Variants in C2CD2 observed in about 807,000 individuals in gnomAD.
The protein encoded by C2CD2 is C2 domain-containing protein 2.
A neutral mutation model predicts 74.3 loss-of-function variants in C2CD2; 43 were observed. The ratio of observed to expected loss-of-function variants is 0.58; its 90% CI spans 0.45 to 0.75. The LOEUF (loss-of-function observed/expected upper bound fraction) is 0.75. Ranked by LOEUF, C2CD2 falls within the 30% of genes least tolerant of loss-of-function variation. The pLI is 0.00. For missense variants in C2CD2, 801 were observed against 916.3 expected, an observed-to-expected ratio of 0.87 and a Z score of 1.63; for synonymous variants, 422 against 390.7, an observed-to-expected ratio of 1.08 and a Z score of -0.94.
In C2CD2 at chr21:41,953,331, G is replaced by A; in HGVS notation, c.279+39C>T. ...ACCTCGGCCCGGACCGCCCGCCCCG[G>A]CATCTGCCGCCCCCCGGCCCGCAGT... On this transcript the variant is annotated intron_variant, in intron 1 of 13. Coordinates refer to ENST00000380486, the MANE Select transcript of C2CD2 (RefSeq NM_015500.2). The A allele has an allele frequency of 3.0e-6, 4 of 1,333,940 alleles. No homozygotes were observed. In the South Asian group the frequency reaches 5.6e-5, roughly 19 times the overall value. 82.6% of individuals were successfully genotyped at this position (1,333,940 alleles called of 1,614,324 possible). A position where few individuals can be genotyped will look rare whatever the true frequency, so the allele number is the denominator to read the frequency against.
chr21:41,901,773 A>G, intron 11 of C2CD2, 24 bp from the exon 12 acceptor site: 1 of 1,611,072 alleles, frequency 6.2e-7, no homozygotes, highest in Non-Finnish European at 8.5e-7. Flanking sequence ...GGCAGTGTTA[A>G]GTTCATCAGC....
At chr21:41,922,476 CTTTT>C (rs34651080) in intron 2 of C2CD2, among the ~76,000 whole-genome samples, 3 of 139,412 alleles carry the variant, frequency 2.2e-5, no homozygotes, top group African/African-American at 2.7e-5. Flanking sequence ...CCATAGGCAT[CTTTT>C]TTTTTTTTTT....
At chr21:41,891,085 A>T (rs2064747236) in intron 13 of C2CD2, among the ~76,000 whole-genome samples, 1 of 152,098 alleles carries the variant, frequency 6.6e-6, no homozygotes, top group Non-Finnish European at 1.5e-5. Context: ...TAAAGTTAGG[A>T]GCCTGTGTGC....
rs1008385939 is a variant in C2CD2, at chr21:41,909,528, G to A, written c.954-5C>T. On this transcript the variant is annotated splice_region_variant and splice_polypyrimidine_tract_variant and intron_variant, in intron 7 of 13. Transcript: ENST00000380486. ...TTCGACTTGGCATTCAACTCGCTTT[G>A]GAAGAGAAACAAGTTATGAGTCCTA... The A allele has an allele frequency of 3.1e-6, 5 of 1,606,148 alleles. No homozygotes were observed. The African/African-American group carries it at 6.7e-5, about 21-fold the overall frequency.
intron 2 of C2CD2, among the ~76,000 whole-genome samples, chr21:41,935,202 A>C (rs920584624): frequency 2.6e-5 from 4 of 152,134 alleles, no homozygotes; most frequent in Non-Finnish European, 1.5e-5. Flanking sequence ...CTTGACTCTT[A>C]TGTGTTCATT....
At chr21:41,916,085 G>A (rs1474802696) in intron 5 of C2CD2, among the ~76,000 whole-genome samples, 1 of 152,162 alleles carries the variant, frequency 6.6e-6, no homozygotes, top group East Asian at 1.9e-4. Context: ...CTTCCCAAAC[G>A]TGAGCTGAGG....
chr21:41,944,090 T>C (rs1402615810), intron 1 of C2CD2, among the ~76,000 whole-genome samples: 6 of 152,298 alleles, frequency 3.9e-5, no homozygotes, highest in Admixed American at 3.3e-4. Flanking sequence ...GGAGAAACAA[T>C]GTACCTTCTG....
chr21:41,908,128 T>A (rs117526814), intron 8 of C2CD2: 15,155 of 336,094 alleles, frequency 0.045, 607 homozygotes, highest in Middle Eastern at 0.13. Flanking sequence ...GCAATGTAAA[T>A]TCAGGGAGCT....
At chr21:41,917,734 A>G (rs933351635) in intron 5 of C2CD2, among the ~76,000 whole-genome samples, 3 of 152,224 alleles carry the variant, frequency 2.0e-5, no homozygotes, top group African/African-American at 7.2e-5. Flanking sequence ...CCAGGGCAGC[A>G]GGCCGGCCCT....
rs113508760 is a variant in C2CD2, at chr21:41,899,262, G to A, written c.1661C>T (p.Ala554Val). Residue 554 changes from alanine to valine, a missense_variant, in exon 13 of 14, where the codon GCG becomes GTG. Coordinates refer to ENST00000380486, the MANE Select transcript of C2CD2 (RefSeq NM_015500.2). The surrounding 1 kb of genome is among the most constrained non-coding windows in gnomAD (Gnocchi z 4.4). Reference protein sequence around the residue: ...QEDAPSHPERAAASAPPEEAE... With the variant: ...QEDAPSHPERVAASAPPEEAE... ...TTCCTCTGGCGGGGCAGAGGCTGCC[G>A]CCCTCTCCGGATGGGATGGGGCGTC... is the stretch of plus-strand genomic sequence containing the variant. 2.5e-5 allele frequency: 41 copies of A among 1,611,860 alleles called. No homozygotes were observed. The highest frequency in any genetic ancestry group is 5.3e-5 in the African/African-American group (4 of 75,026).
Position 41,905,813 on chromosome 21 carries a change from T to C in C2CD2, c.1343A>G (p.Lys448Arg), listed in dbSNP as rs779625283. Residue 448 changes from lysine to arginine, a missense_variant, in exon 11 of 14, where the codon AAG (lysine) becomes AGG (arginine). Lys to Arg is a conservative substitution (Grantham distance 26). Transcript: ENST00000380486. ...GATGTCCTTCTCGATCACCTTCACCTTGATGGGAGTCTTCACCGGAGAATC... is the reference window on the plus strand; with the variant it reads ...GATGTCCTTCTCGATCACCTTCACCCTGATGGGAGTCTTCACCGGAGAATC... The part of the protein sequence containing the change: ...SSDSPVKTPI[K>R]VKVIEKDISV... 6 of 1,603,632 alleles carry C rather than the reference T, an allele frequency of 3.7e-6. No homozygotes were observed. Among genetic ancestry groups the C allele is most frequent in the Non-Finnish European group, 5.1e-6 (6 of 1,170,444 alleles).
At chr21:41,935,956 T>C (rs147611616) in intron 2 of C2CD2, among the ~76,000 whole-genome samples, 338 of 151,536 alleles carry the variant, frequency 2.2e-3, no homozygotes, top group Non-Finnish European at 3.7e-3. Flanking sequence ...TCAAAATGCA[T>C]GAAAAACTTA....
rs2064865107 is a variant in C2CD2, at chr21:41,899,374, A to C, written c.1561-12T>G. 1 of 1,600,646 alleles carries C rather than the reference A, an allele frequency of 6.2e-7. No homozygotes were observed. On this transcript the variant is annotated splice_polypyrimidine_tract_variant and intron_variant, in intron 12 of 13. Coordinates refer to ENST00000380486, the MANE Select transcript of C2CD2 (RefSeq NM_015500.2). The surrounding 1 kb of genome is among the most constrained non-coding windows in gnomAD (Gnocchi z 4.4). ...TGAGATAGTGAGGTCTGTCAGGGGCAGTGGGGAAGATGACAAGGGATACAT... is the reference window on the plus strand; with the variant it reads ...TGAGATAGTGAGGTCTGTCAGGGGCCGTGGGGAAGATGACAAGGGATACAT...
intron 1 of C2CD2, among the ~76,000 whole-genome samples, chr21:41,946,688 CATAAA>C: frequency 6.6e-6 from 1 of 152,228 alleles, no homozygotes; most frequent in Non-Finnish European, 1.5e-5. Flanking sequence ...CAGGAGGAGA[CATAAA>C]ATACAAGAGG....
At chr21:41,932,979 G>A (rs924060737) in intron 2 of C2CD2, among the ~76,000 whole-genome samples, 1 of 150,364 alleles carries the variant, frequency 6.7e-6, no homozygotes, top group African/African-American at 2.4e-5. Context: ...GGGGTTTGTC[G>A]GCGGAGAGGA....
chr21:41,944,479 G>A (rs1393135164), intron 1 of C2CD2, among the ~76,000 whole-genome samples: 1 of 131,806 alleles, frequency 7.6e-6, no homozygotes, highest in African/African-American at 2.9e-5. Flanking sequence ...CCGAGATCAT[G>A]CCACTGCACT....
intron 7 of C2CD2, among the ~76,000 whole-genome samples, chr21:41,911,865 A>T (rs1326795065): frequency 2.6e-5 from 4 of 152,006 alleles, no homozygotes; most frequent in African/African-American, 7.2e-5. Flanking sequence ...TGCCCGGTTA[A>T]ATTTTTTAAA....
rs2064771129 is a variant in C2CD2, at chr21:41,892,818, C to T, written c.1871-3474G>A. ...GCCAAGGACACAGGCACCATACCTG[C>T]TCTCCTGCATGTCGCTGCTCATGCT... On this transcript the variant is annotated intron_variant, in intron 13 of 13. Transcript: ENST00000380486. The surrounding 1 kb of genome is among the most constrained non-coding windows in gnomAD (Gnocchi z 4.6). Among the ~76,000 whole-genome samples the T allele has an allele frequency of 6.6e-6, 1 of 152,260 alleles. No individual in the cohort carries two copies. The highest frequency in any genetic ancestry group is 6.5e-5 in the Admixed American group (1 of 15,286).
intron 2 of C2CD2, among the ~76,000 whole-genome samples, chr21:41,938,369 C>G (rs183405813): frequency 5.3e-5 from 8 of 152,002 alleles, no homozygotes; most frequent in African/African-American, 1.9e-4. Context: ...AATCTCTATA[C>G]CCTTCCATAT....
Sources: gnomAD v4.1 joint callset for allele counts (sites outside exome capture counted in the v4.1 genomes callset) on GRCh38, gnomAD v4.1.1 for gene constraint, Gnocchi (gnomAD v3.1) non-coding constraint, MANE v1.5 for transcripts, NCBI Gene and HGNC (gene_info 2026-07-23, HGNC 2026-07-21) for gene names.